The following ZC4H2 variants were observed in gnomAD, a reference collection of about 807,000 sequenced individuals.
ZC4H2 encodes the protein zinc finger C4H2-type containing.
For missense variants in ZC4H2, 137 were observed against 173.9 expected (o/e 0.79, Z 1.19); for synonymous variants, 84 against 66.3 (o/e 1.27, Z -1.30).
intron 1 of ZC4H2, among the ~76,000 whole-genome samples, chrX:64,973,215 G>A (rs765269213): frequency 1.5e-4 from 17 of 109,965 alleles, no homozygotes; most frequent in Non-Finnish European, 2.8e-4. Flanking sequence ...TTCATTCTCC[G>A]TAATTTTAGT....
intron 4 of ZC4H2, 189 bp downstream of exon 4, chrX:64,918,853 G>A (rs1399424059): frequency 4.5e-5 from 19 of 418,774 alleles, no homozygotes; most frequent in Non-Finnish European, 7.0e-5. Context: ...TGGGAACATG[G>A]GGCAACAAAA....
intron 1 of ZC4H2, among the ~76,000 whole-genome samples, chrX:64,986,804 G>A (rs887261788): frequency 2.7e-5 from 3 of 111,314 alleles, no homozygotes; most frequent in Non-Finnish European, 3.8e-5. Flanking sequence ...AACAAGGCAG[G>A]AGCCTAATGA....
chrX:64,952,625 C>T (rs993823311), intron 1 of ZC4H2, among the ~76,000 whole-genome samples: 1 of 110,832 alleles, frequency 9.0e-6, no homozygotes, highest in Admixed American at 9.6e-5. Context: ...TGTGAAGGAC[C>T]TCTTCAAGGA....
intron 1 of ZC4H2, among the ~76,000 whole-genome samples, chrX:64,953,350 G>T (rs1037781240): frequency 9.0e-6 from 1 of 111,643 alleles, no homozygotes; most frequent in Non-Finnish European, 1.9e-5. Context: ...GAGCTTCTGG[G>T]CGGCAAAGGA....
chrX:64,971,631 A>G (rs1436254896), intron 1 of ZC4H2, among the ~76,000 whole-genome samples: 2 of 111,656 alleles, frequency 1.8e-5, no homozygotes, highest in African/African-American at 6.5e-5. Flanking sequence ...TGAAACTTCC[A>G]GGCGGACAAG....
At chrX:64,941,294 C>T (rs1930271272) in intron 1 of ZC4H2, among the ~76,000 whole-genome samples, 1 of 111,640 alleles carries the variant, frequency 9.0e-6, no homozygotes, top group African/African-American at 3.3e-5. Context: ...GAGCTTTGGG[C>T]TGAGACAATG....
At chrX:64,976,525 A>G (rs1931956363), upstream of ZC4H2, 2 of 580,716 alleles carry the variant, frequency 3.4e-6, no homozygotes, top group East Asian at 3.4e-5. Flanking sequence ...TGTAGTCCGG[A>G]GCTTCAGGGC....
intron 1 of ZC4H2, among the ~76,000 whole-genome samples, chrX:64,928,746 C>CTTCTTCTTCTT (rs201597239): frequency 1.7e-4 from 17 of 99,243 alleles, no homozygotes; most frequent in African/African-American, 6.0e-4. Context: ...TCTCCTTCTC[C>CTTCTTCTTCTT]TTCTTCTTCT....
At chrX:64,971,152 T>C (rs1361836540) in intron 1 of ZC4H2, among the ~76,000 whole-genome samples, 2 of 112,638 alleles carry the variant, frequency 1.8e-5, no homozygotes, top group African/African-American at 3.2e-5. Flanking sequence ...TTTTATGAGC[T>C]AATAATGGGA....
At chrX:64,965,965 A>C (rs1319161084) in intron 1 of ZC4H2, among the ~76,000 whole-genome samples, 1 of 108,596 alleles carries the variant, frequency 9.2e-6, no homozygotes, top group African/African-American at 3.3e-5. Context: ...AAAAAAAAAA[A>C]AAAAAGACAT....
At chrX:64,929,680 G>GTA (rs918489347) in intron 1 of ZC4H2, among the ~76,000 whole-genome samples, 1 of 111,308 alleles carries the variant, frequency 9.0e-6, no homozygotes, top group Non-Finnish European at 1.9e-5. Context: ...AAGGCCGTAA[G>GTA]TATTTGGCCT....
chrX:64,999,691 G>A (rs1245266631), intron 1 of ZC4H2, among the ~76,000 whole-genome samples: 1 of 112,456 alleles, frequency 8.9e-6, no homozygotes, highest in African/African-American at 3.2e-5. Context: ...AGATCCACTG[G>A]CTTGAAATTC....
At chrX:64,918,985 G>T (rs1391925793) in intron 4 of ZC4H2, 57 bp downstream of exon 4, 3 of 1,116,678 alleles carry the variant, frequency 2.7e-6, no homozygotes, top group African/African-American at 3.7e-5. Flanking sequence ...AGCCTTCCAC[G>T]GCCCTTCCAT....
At chrX:64,926,084 G>C (rs1377061393) in intron 1 of ZC4H2, among the ~76,000 whole-genome samples, 2 of 111,933 alleles carry the variant, frequency 1.8e-5, no homozygotes, top group African/African-American at 3.2e-5. Context: ...GGGAAGCCTG[G>C]TCCTTGCTTT....
chrX:65,032,459 G>T (rs1370034531), intron 1 of ZC4H2, among the ~76,000 whole-genome samples: 1 of 111,728 alleles, frequency 9.0e-6, no homozygotes, highest in Non-Finnish European at 1.9e-5. Context: ...GTTCCATACG[G>T]AAGGAAAGGT....
intron 2 of ZC4H2, among the ~76,000 whole-genome samples, chrX:64,921,070 T>G (rs765396668): frequency 8.9e-6 from 1 of 112,708 alleles, no homozygotes; most frequent in South Asian, 3.7e-4. Flanking sequence ...CAAACCTCAT[T>G]CATATTTCCT....
chrX:65,009,536 C>T (rs889421460), intron 1 of ZC4H2, among the ~76,000 whole-genome samples: 5 of 112,058 alleles, frequency 4.5e-5, no homozygotes, highest in Non-Finnish European at 9.4e-5. Flanking sequence ...AGCAAACAAT[C>T]TTGGAAAACA....
intron 1 of ZC4H2, among the ~76,000 whole-genome samples, chrX:65,029,596 T>C (rs1481415919): frequency 9.0e-6 from 1 of 111,215 alleles, no homozygotes; most frequent in Non-Finnish European, 1.9e-5. Context: ...AGACGGACAG[T>C]TGTAAGGTAC....
intron 1 of ZC4H2, among the ~76,000 whole-genome samples, chrX:64,932,854 A>T (rs1006195423): frequency 4.5e-5 from 5 of 110,937 alleles, no homozygotes; most frequent in African/African-American, 1.6e-4. Context: ...ATTGTTTTGG[A>T]ATGAATTTCC....
Sources: allele counts gnomAD v4.1 joint callset (sites outside exome capture counted in the v4.1 genomes callset), GRCh38; gene constraint gnomAD v4.1.1; transcripts MANE v1.5; gene names NCBI Gene and HGNC (gene_info 2026-07-23, HGNC 2026-07-21).